The following TENM2 variants were observed in gnomAD, a reference collection of about 807,000 sequenced individuals.
The protein encoded by TENM2 is teneurin transmembrane protein 2.
In TENM2, 52 loss-of-function variants were observed where a neutral mutation model predicts 245.2. The observed-to-expected ratio is 0.21, with a 90% CI of 0.17 to 0.27. The LOEUF (loss-of-function observed/expected upper bound fraction) is 0.27, where lower values mean the gene tolerates loss of function less well. Among genes scored for constraint, TENM2 ranks in the 10% least tolerant of loss-of-function variants. TENM2 has a pLI of 1.00. For synonymous variants in TENM2, 1,363 were observed against 1,438.9 expected, an observed-to-expected ratio of 0.95 and a Z score of 1.19; for missense variants, 3,046 against 3,666.8, an observed-to-expected ratio of 0.83 and a Z score of 4.37.
At chr5:167,757,038 CT>C (rs1188956516) in intron 2 of TENM2, among the ~76,000 whole-genome samples, 1 of 149,198 alleles carries the variant, frequency 6.7e-6, no homozygotes, top group Non-Finnish European at 1.5e-5. Context: ...TTTCTTTTTT[CT>C]TTTTTTATTA....
rs1776919037 is a variant in TENM2 at position 167,916,157 on chromosome 5, G to A, written c.713-36431G>A. On this transcript the variant is annotated intron_variant, in intron 3 of 28. Transcript: ENST00000518659. ...TTTGTGTTATGTCCATTAGCGCAGG[G>A]TCTGAGGCTTCGCCAGCAGTCAAAG... 2.6e-5 allele frequency among the ~76,000 whole-genome samples: 4 copies of A among 152,200 alleles called. No homozygotes were observed. The South Asian group carries it at 8.3e-4, about 31-fold the overall frequency.
intron 2 of TENM2, among the ~76,000 whole-genome samples, chr5:167,520,681 T>C (rs191437859): frequency 6.6e-6 from 1 of 152,214 alleles, no homozygotes; most frequent in African/African-American, 2.4e-5. Context: ...GTCTGTGAAG[T>C]GTGTGGCTTG....
At chr5:167,589,242 G>A (rs1426954780) in intron 2 of TENM2, among the ~76,000 whole-genome samples, 1 of 151,524 alleles carries the variant, frequency 6.6e-6, no homozygotes, top group Non-Finnish European at 1.5e-5. Flanking sequence ...TTCCATTAGA[G>A]AATGATATAT....
At chr5:168,101,083 C>T (rs1227198434) in intron 9 of TENM2, among the ~76,000 whole-genome samples, 1 of 152,244 alleles carries the variant, frequency 6.6e-6, no homozygotes, top group African/African-American at 2.4e-5. Flanking sequence ...ACTGGACCTC[C>T]TCCTAGCGCC....
At chr5:167,617,331 A>G (rs1376860112) in intron 2 of TENM2, among the ~76,000 whole-genome samples, 2 of 152,172 alleles carry the variant, frequency 1.3e-5, no homozygotes, top group Non-Finnish European at 2.9e-5. Context: ...CACCAGTGAC[A>G]ATGTTCTGGG....
intron 2 of TENM2, among the ~76,000 whole-genome samples, chr5:167,575,120 A>AAG (rs1364818253): frequency 8.7e-5 from 13 of 149,990 alleles, no homozygotes; most frequent in African/African-American, 3.2e-4. Flanking sequence ...TTGAGAAAGA[A>AAG]AAAAAAAAAA....
chr5:167,881,546 T>C (rs1773878473), intron 3 of TENM2, among the ~76,000 whole-genome samples: 2 of 152,178 alleles, frequency 1.3e-5, no homozygotes, highest in African/African-American at 4.8e-5. Context: ...GGTCAGGATA[T>C]CAAGTGCAAA....
At chr5:167,663,988 T>C (rs1251554030) in intron 2 of TENM2, among the ~76,000 whole-genome samples, 1 of 152,192 alleles carries the variant, frequency 6.6e-6, no homozygotes, top group Admixed American at 6.5e-5. Flanking sequence ...TCTAATGTTA[T>C]TTTCTGTTGT....
intron 8 of TENM2, among the ~76,000 whole-genome samples, chr5:168,092,198 G>A (rs1397730274): frequency 6.6e-6 from 1 of 152,158 alleles, no homozygotes; most frequent in Non-Finnish European, 1.5e-5. Flanking sequence ...TCAGAAAGGT[G>A]TAAAATCATA....
At chr5:167,091,383 T>C in the TENM2 span, among the ~76,000 whole-genome samples, 15 of 152,186 alleles carry the variant, frequency 9.9e-5, no homozygotes, top group African/African-American at 3.6e-4. Flanking sequence ...TTGCTTTTAT[T>C]CTAGCATGTT....
intron 4 of TENM2, chr5:167,965,606 C>T (rs989471921): frequency 2.0e-5 from 3 of 152,008 alleles, no homozygotes; most frequent in African/African-American, 7.3e-5. Flanking sequence ...AAAATTCTCT[C>T]CAGAAATTTG....
intron 3 of TENM2, among the ~76,000 whole-genome samples, chr5:167,879,965 A>G (rs1322062483): frequency 6.6e-6 from 1 of 152,212 alleles, no homozygotes; most frequent in Non-Finnish European, 1.5e-5. Flanking sequence ...TTTATCTGGC[A>G]TCATAAAACA....
At chr5:167,820,638 A>G (rs1198721922) in intron 2 of TENM2, among the ~76,000 whole-genome samples, 1 of 152,194 alleles carries the variant, frequency 6.6e-6, no homozygotes, top group East Asian at 1.9e-4. Flanking sequence ...CTAATCCCAC[A>G]AGGAATAGGA....
At chr5:167,679,427 T>A (rs4587095) in intron 2 of TENM2, among the ~76,000 whole-genome samples, 69,032 of 152,010 alleles carry the variant, frequency 0.45, 19,232 homozygotes, top group East Asian at 0.94. Context: ...TGTTATCAGC[T>A]AGTACTATAG....
intron 13 of TENM2, among the ~76,000 whole-genome samples, chr5:168,182,650 C>A (rs1344960030): frequency 6.6e-6 from 1 of 152,112 alleles, no homozygotes; most frequent in Admixed American, 6.5e-5. Context: ...GGGCAGGGAC[C>A]AAGCATTGCA....
chr5:167,170,342 A>G, the TENM2 span, among the ~76,000 whole-genome samples: 1 of 152,232 alleles, frequency 6.6e-6, no homozygotes, highest in Non-Finnish European at 1.5e-5. Flanking sequence ...ACAGCAAAGC[A>G]AACTTCTGCA....
At chr5:168,262,747 A>G (rs1347647609) in exon 29 of TENM2, 2 of 1,610,954 alleles carry the variant, frequency 1.2e-6, no homozygotes, top group Non-Finnish European at 1.7e-6. Flanking sequence ...AGCAATACCC[A>G]GAGCTTGCAG....
chr5:167,761,251 A>G (rs1471952246), intron 2 of TENM2, among the ~76,000 whole-genome samples: 2 of 152,142 alleles, frequency 1.3e-5, no homozygotes, highest in African/African-American at 4.8e-5. Flanking sequence ...AGTTTCTAAC[A>G]TGCTATGTAA....
chr5:167,702,526 ATATG>A (rs748679492), intron 2 of TENM2, among the ~76,000 whole-genome samples: 10 of 138,178 alleles, frequency 7.2e-5, no homozygotes, highest in Non-Finnish European at 9.1e-5. Flanking sequence ...GCTAATTTAT[ATATG>A]TATGTATGTA....
Sources: allele counts gnomAD v4.1 joint callset (sites outside exome capture counted in the v4.1 genomes callset), GRCh38; gene constraint gnomAD v4.1.1; transcripts MANE v1.5; gene names NCBI Gene and HGNC (gene_info 2026-07-23, HGNC 2026-07-21).